The following MINDY4B variants were observed in gnomAD, a reference collection of about 807,000 sequenced individuals.
MINDY4B encodes MINDY family member 4B, also known as inactive ubiquitin carboxyl-terminal hydrolase MINDY-4B.
Under a neutral mutation model 16.7 loss-of-function variants are expected in MINDY4B, and 25 were observed. That is an observed-to-expected ratio of 1.49 (90% CI 1.09 to 2.09). The LOEUF (loss-of-function observed/expected upper bound fraction) is 2.09. MINDY4B is among the 30% of genes most tolerant of loss of function. The pLI, the probability that MINDY4B is intolerant of heterozygous loss-of-function variation, is 0.00. For synonymous variants in MINDY4B, 132 were observed against 61.9 expected (o/e 2.13, Z -5.32); for missense variants, 327 against 168.4 (o/e 1.94, Z -5.21).
chr3:150,882,514 T>C (rs1042586514), intron 10 of MINDY4B, among the ~76,000 whole-genome samples: 24 of 151,818 alleles, frequency 1.6e-4, no homozygotes, highest in African/African-American at 5.8e-4. Flanking sequence ...AAGGGGTATG[T>C]AGCCGCATGG....
At chr3:150,903,212 C>T (rs1305570863) in intron 3 of MINDY4B, 37 bp downstream of exon 3, 2 of 398,302 alleles carry the variant, frequency 5.0e-6, no homozygotes, top group Non-Finnish European at 4.4e-6. Flanking sequence ...GGGAAGATTA[C>T]GTTTCATTTC....
Position 150,905,056 on chromosome 3 carries a change from A to G in MINDY4B, c.141+6T>C, listed in dbSNP as rs1712207853. The G allele has an allele frequency of 2.5e-6, 1 of 398,534 alleles. No individual in the cohort carries two copies. Among genetic ancestry groups the G allele is most frequent in the Non-Finnish European group, 4.4e-6 (1 of 225,990 alleles). The allele number at this position is 398,534 out of a possible 1,614,324, so 24.7% of individuals were successfully genotyped here. A position where few individuals can be genotyped will look rare whatever the true frequency, so the allele number is the denominator to read the frequency against. On this transcript the variant is annotated splice_donor_region_variant and intron_variant, in intron 2 of 11. Transcript: ENST00000465419. ...AGAACACACTGGCTTTGGGAAAAGT[A>G]ATTACCTGAGGAGTTGAATTATTGG...
At position 150,870,395 on chromosome 3, in the gene MINDY4B, A is replaced by C. The variant is rs17283761; in HGVS notation, c.*650T>G. Among the ~76,000 whole-genome samples, 1 of 152,014 alleles carries C rather than the reference A, an allele frequency of 6.6e-6. No individual in the cohort carries two copies. The highest frequency in any genetic ancestry group is 1.5e-5 in the Non-Finnish European group (1 of 68,002). On this transcript the variant is annotated 3_prime_UTR_variant, in exon 12 of 12. Transcript: ENST00000465419. ...GTCTGTTTGTGTATTTATATCCAGCATTGAAGAAAAGAAACAAACATACTG... is the reference window on the plus strand; with the variant it reads ...GTCTGTTTGTGTATTTATATCCAGCCTTGAAGAAAAGAAACAAACATACTG...
In MINDY4B at chr3:150,890,949, A is replaced by G. The variant is rs1711784679; in HGVS notation, c.676T>C (p.Phe226Leu). The G allele has an allele frequency of 4.3e-6, 3 of 702,672 alleles. No individual in the cohort carries two copies. Among genetic ancestry groups the G allele is most frequent in the Non-Finnish European group, 7.8e-6 (3 of 384,730 alleles). The allele number at this position is 702,672 out of a possible 1,614,324, so 43.5% of individuals were successfully genotyped here. ...AGAACTGCACTTACTCGCTCAGTGAAATTGTCCACAGAGTAGTCCGGAGTC... is the reference window on the plus strand; with the variant it reads ...AGAACTGCACTTACTCGCTCAGTGAGATTGTCCACAGAGTAGTCCGGAGTC... ...ASTPDYSVDN[F>L]TERLQLFEFL... The change falls in exon 6 of 12, where the codon TTC becomes CTC. Residue 226 changes from phenylalanine to leucine, a missense_variant. By Grantham distance (22) the Phe-to-Leu change is conservative. Coordinates refer to ENST00000465419, the MANE Select transcript of MINDY4B (RefSeq NM_001351281.2).
In MINDY4B at chr3:150,870,382, A is replaced by T. The variant is rs1470177577; in HGVS notation, c.*663T>A. Among the ~76,000 whole-genome samples, 1 of 152,172 alleles carries T rather than the reference A, an allele frequency of 6.6e-6. No homozygotes were observed. Among genetic ancestry groups the T allele is most frequent in the African/African-American group, 2.4e-5 (1 of 41,430 alleles). ...TTTTTCTCAGTTTGTCTGTTTGTGT[A>T]TTTATATCCAGCATTGAAGAAAAGA... On this transcript the variant is annotated 3_prime_UTR_variant, in exon 12 of 12. Coordinates refer to ENST00000465419, the MANE Select transcript of MINDY4B (RefSeq NM_001351281.2).
chr3:150,897,603 G>A (rs996546104), intron 3 of MINDY4B, among the ~76,000 whole-genome samples: 3 of 152,172 alleles, frequency 2.0e-5, no homozygotes. Context: ...GGAGAAGCAT[G>A]CATCTGTAAT....
intron 7 of MINDY4B, among the ~76,000 whole-genome samples, chr3:150,889,027 A>G (rs980610393): frequency 6.6e-6 from 1 of 152,240 alleles, no homozygotes; most frequent in Admixed American, 6.5e-5. Context: ...TGCCCACAAC[A>G]AAGAATCCCT....
chr3:150,903,770 A>G (rs753415972), intron 2 of MINDY4B, among the ~76,000 whole-genome samples: 3 of 152,216 alleles, frequency 2.0e-5, no homozygotes, highest in Non-Finnish European at 4.4e-5. Flanking sequence ...GAATCTTTCC[A>G]GTTTACACAA....
chr3:150,899,723 C>A (rs527952126), intron 3 of MINDY4B, among the ~76,000 whole-genome samples: 2 of 152,126 alleles, frequency 1.3e-5, no homozygotes, highest in Non-Finnish European at 1.5e-5. Flanking sequence ...GTGGACCATG[C>A]ATCTGGAGGG....
chr3:150,883,831 G>T (rs543005166), intron 8 of MINDY4B, 59 bp from the exon 9 acceptor site: 5 of 695,068 alleles, frequency 7.2e-6, no homozygotes, highest in South Asian at 4.5e-5. Context: ...GGAGCCTGCA[G>T]CTTCTTTTCC....
In MINDY4B at chr3:150,875,065, G is replaced by A. The variant is rs576604291; in HGVS notation, c.1060-1698C>T. Among the ~76,000 whole-genome samples, 10 of 152,276 alleles carry A rather than the reference G, an allele frequency of 6.6e-5. No individual in the cohort carries two copies. In the South Asian group the frequency reaches 1.9e-3, roughly 28 times the overall value. ...GATTTGTTGGAGTTATCTCCTCTGGGCTGAATATATTGTGAGCATTTCACA... is the reference window on the plus strand; with the variant it reads ...GATTTGTTGGAGTTATCTCCTCTGGACTGAATATATTGTGAGCATTTCACA... On this transcript the variant is annotated intron_variant, in intron 10 of 11. Coordinates refer to ENST00000465419, the MANE Select transcript of MINDY4B (RefSeq NM_001351281.2).
chr3:150,903,521 T>C (rs1712165926), intron 2 of MINDY4B, 105 bp from the exon 3 acceptor site: 1 of 396,864 alleles, frequency 2.5e-6, no homozygotes, highest in Non-Finnish European at 4.4e-6. Flanking sequence ...TCAGAAAATG[T>C]TGTCTCACTT....
rs748703061 is a variant in MINDY4B, at chr3:150,873,154, A to AT, written c.1240+32_1240+33insA. The AT allele has an allele frequency of 1.0e-5, 7 of 690,300 alleles. No individual in the cohort carries two copies. The South Asian group carries it at 1.1e-4, about 10-fold the overall frequency. 42.8% of individuals were successfully genotyped at this position (690,300 alleles called of 1,614,324 possible). A position where few individuals can be genotyped will look rare whatever the true frequency, so the allele number is the denominator to read the frequency against. On this transcript the variant is annotated intron_variant, in intron 11 of 11. Transcript: ENST00000465419. ...CAACCGCATCTCTTTGAGCACATTA[A>AT]AATCCACAACACCTGGAGTCTGAAA... is the stretch of plus-strand genomic sequence containing the variant.
chr3:150,880,765 A>G (rs1471930346), intron 10 of MINDY4B, among the ~76,000 whole-genome samples: 1 of 152,220 alleles, frequency 6.6e-6, no homozygotes, highest in African/African-American at 2.4e-5. Flanking sequence ...TGTCGTCACC[A>G]CTAGAACTTG....
intron 10 of MINDY4B, among the ~76,000 whole-genome samples, chr3:150,876,873 T>A (rs1711497495): frequency 6.6e-6 from 1 of 152,094 alleles, no homozygotes. Context: ...TCAAACTGCT[T>A]TATGTTCTCA....
intron 3 of MINDY4B, among the ~76,000 whole-genome samples, chr3:150,902,214 C>T (rs1397371475): frequency 6.6e-6 from 1 of 152,054 alleles, no homozygotes; most frequent in Non-Finnish European, 1.5e-5. Context: ...TGTTGCTGGT[C>T]TTTGCCCAGA....
rs892012917 is a variant in MINDY4B, at chr3:150,871,104, T to C, written c.1324A>G (p.Ile442Val). 4.3e-6 allele frequency: 3 copies of C among 702,792 alleles called. No homozygotes were observed. The highest frequency in any genetic ancestry group is 2.0e-5 in the Admixed American group (1 of 49,988). The allele number at this position is 702,792 out of a possible 1,614,324, so 43.5% of individuals were successfully genotyped here. A position where few individuals can be genotyped will look rare whatever the true frequency, so the allele number is the denominator to read the frequency against. The change falls in exon 12 of 12, where the codon ATC (isoleucine) becomes GTC (valine). Residue 442 changes from isoleucine (I) to valine (V), a missense_variant. Transcript: ENST00000465419. Reference sequence around the variant, plus strand: ...GTGGCCTCGCTCCACTTGGTTCTGATTGCCATCTCCACTGGTGAAAACCGT... The same window carrying C: ...GTGGCCTCGCTCCACTTGGTTCTGACTGCCATCTCCACTGGTGAAAACCGT... ...RRRFSPVEMA[I>V]RTKWSEATIN...
In MINDY4B at chr3:150,871,145, T is replaced by TGGGACCAAG. The variant is rs1716956474; in HGVS notation, c.1282_1283insCTTGGTCCC (p.Lys428delinsThrTrpSerGln). The TGGGACCAAG allele has an allele frequency of 4.3e-6, 3 of 702,868 alleles. No homozygotes were observed. In the East Asian group the frequency reaches 8.0e-5, roughly 19 times the overall value. 43.5% of individuals were successfully genotyped at this position (702,868 alleles called of 1,614,324 possible). A position where few individuals can be genotyped will look rare whatever the true frequency, so the allele number is the denominator to read the frequency against. On this transcript the variant is annotated protein_altering_variant, in exon 12 of 12. Transcript: ENST00000465419. Reference sequence around the variant, plus strand: ...TGAAAACCGTCGTCTTGGTCCATGTTTCTCTTCCTGTTGGTCTCTTTCCCA... The same window carrying TGGGACCAAG: ...TGAAAACCGTCGTCTTGGTCCATGTTGGGACCAAGTCTCTTCCTGTTGGTCTCTTTCCCA...
chr3:150,895,648 A>G (rs1461848971), intron 3 of MINDY4B, among the ~76,000 whole-genome samples: 1 of 152,086 alleles, frequency 6.6e-6, no homozygotes, highest in Non-Finnish European at 1.5e-5. Context: ...TGTTTTTAGT[A>G]GAGACAGGGT....
Sources: allele counts gnomAD v4.1 joint callset (sites outside exome capture counted in the v4.1 genomes callset), GRCh38; gene constraint gnomAD v4.1.1; transcripts MANE v1.5; gene names NCBI Gene and HGNC (gene_info 2026-07-23, HGNC 2026-07-21).